The following TM7SF3 variants were observed in gnomAD, a reference collection of about 807,000 sequenced individuals.
TM7SF3 encodes transmembrane 7 superfamily member 3.
TM7SF3 carries 60 observed loss-of-function variants against 65.5 expected under a neutral mutation model. That is an observed-to-expected ratio of 0.92 (90% CI 0.74 to 1.14). The LOEUF (loss-of-function observed/expected upper bound fraction) is 1.14, where lower values mean the gene tolerates loss of function less well. Ranked by LOEUF, TM7SF3 falls within the 50% of genes most tolerant of loss-of-function variation. TM7SF3 has a pLI of 0.00. For synonymous variants in TM7SF3, 264 were observed against 259.6 expected, an observed-to-expected ratio of 1.02 and a Z score of -0.16; for missense variants, 623 against 684.8, an observed-to-expected ratio of 0.91 and a Z score of 1.01.
chr12:26,973,844 T>A lies in TM7SF3; in HGVS notation c.*121A>T, dbSNP rs921653815. On this transcript the variant is annotated 3_prime_UTR_variant, in exon 12 of 12. Transcript: ENST00000343028. Reference sequence around the variant, plus strand: ...TTACCATATATCAATAAGGGCACCATAATATTATGCAAAGAACAGATATAT... The same window carrying A: ...TTACCATATATCAATAAGGGCACCAAAATATTATGCAAAGAACAGATATAT... 1.6e-6 allele frequency: 2 copies of A among 1,270,046 alleles called. No individual in the cohort carries two copies. Among genetic ancestry groups the A allele is most frequent in the South Asian group, 1.4e-5 (1 of 69,046 alleles). 78.7% of individuals were successfully genotyped at this position (1,270,046 alleles called of 1,614,324 possible). A position where few individuals can be genotyped will look rare whatever the true frequency, so the allele number is the denominator to read the frequency against.
At position 26,974,138 on chromosome 12, in the gene TM7SF3, G is replaced by A; in HGVS notation, c.1540C>T (p.Pro514Ser). 1 of 1,614,190 alleles carries A rather than the reference G, an allele frequency of 6.2e-7. No homozygotes were observed. Among genetic ancestry groups the A allele is most frequent in the African/African-American group, 1.3e-5 (1 of 75,046 alleles). Residue 514 changes from proline (P) to serine (S), a missense_variant, in exon 12 of 12, where the codon CCC (proline) becomes TCC (serine). Pro to Ser is a moderately conservative substitution (Grantham distance 74). Coordinates refer to ENST00000343028, the MANE Select transcript of TM7SF3 (RefSeq NM_016551.3). ...TGCTTCCATAACTTGTATGGGTGGG[G>A]AGGGAAGAACGGTCGTCCTCTCTCT... ...RRERGRPFFP[P>S]HPYKLWKQER...
chr12:26,978,405 T>A (rs1341831619), intron 9 of TM7SF3: 1 of 152,888 alleles, frequency 6.5e-6, no homozygotes, highest in Non-Finnish European at 1.5e-5. Flanking sequence ...GAAAGGGAAC[T>A]AGTGACAGAG....
intron 9 of TM7SF3, chr12:26,978,023 G>C: frequency 2.3e-6 from 1 of 436,706 alleles, no homozygotes; most frequent in South Asian, 1.6e-5. Flanking sequence ...TTGAGCCTTA[G>C]AGTTTGAGGT....
chr12:26,989,630 A>G (rs1940255152), intron 6 of TM7SF3, among the ~76,000 whole-genome samples: 1 of 151,834 alleles, frequency 6.6e-6, no homozygotes, highest in Non-Finnish European at 1.5e-5. Context: ...CTATTTTTGC[A>G]TATTTTCTGA....
intron 1 of TM7SF3, among the ~76,000 whole-genome samples, chr12:27,011,847 A>G (rs1191905987): frequency 6.6e-6 from 1 of 152,234 alleles, no homozygotes; most frequent in Non-Finnish European, 1.5e-5. Context: ...GCAAAGAGGC[A>G]AAAAGCAGTG....
At position 26,972,845 on chromosome 12, in the gene TM7SF3, T is replaced by C. The variant is rs1017513211; in HGVS notation, c.*1120A>G. The stretch of plus-strand genomic sequence containing the variant: ...AATTAAAGATCACCTGTTGACACTA[T>C]TTGAAAAGGCCTTGAAAAAAAAAAG... On this transcript the variant is annotated 3_prime_UTR_variant, in exon 12 of 12. Coordinates refer to ENST00000343028, the MANE Select transcript of TM7SF3 (RefSeq NM_016551.3). Among the ~76,000 whole-genome samples the C allele has an allele frequency of 6.6e-6, 1 of 151,948 alleles. No individual in the cohort carries two copies. The highest frequency in any genetic ancestry group is 2.4e-5 in the African/African-American group (1 of 41,352).
At chr12:26,999,709 G>A (rs1163024899) in intron 2 of TM7SF3, 33 bp from the exon 3 acceptor site, 1 of 1,610,692 alleles carries the variant, frequency 6.2e-7, no homozygotes, top group South Asian at 1.1e-5. Context: ...TCATGAATAG[G>A]AAGTCGACCA....
chr12:26,999,659 G>A lies in TM7SF3; in HGVS notation c.264C>T (p.Ser88=). The change falls in exon 3 of 12, where the codon TCC becomes TCT. Residue 88 remains serine (S), a synonymous_variant. Coordinates refer to ENST00000343028, the MANE Select transcript of TM7SF3 (RefSeq NM_016551.3). ...VSFSPTLLSN[S]SETGTASGLV... ...GTCCACTGGCAGTGCCTGTTTCCGA[G>A]GAATTGGAAAGGAGAGTCTGCAGTC... is the stretch of plus-strand genomic sequence containing the variant. 2 of 1,614,020 alleles carry A rather than the reference G, an allele frequency of 1.2e-6. No homozygotes were observed. Among genetic ancestry groups the A allele is most frequent in the Non-Finnish European group, 1.7e-6 (2 of 1,180,002 alleles).
intron 2 of TM7SF3, among the ~76,000 whole-genome samples, chr12:27,000,880 A>T (rs921818474): frequency 6.6e-6 from 1 of 151,828 alleles, no homozygotes; most frequent in African/African-American, 2.4e-5. Context: ...TTCCTCACAC[A>T]CTTCCTCTCT....
At chr12:27,003,860 G>T (rs1940931383) in intron 1 of TM7SF3, among the ~76,000 whole-genome samples, 1 of 152,214 alleles carries the variant, frequency 6.6e-6, no homozygotes, top group African/African-American at 2.4e-5. Context: ...TACCAGCTGT[G>T]TGATTTTAGG....
At chr12:26,992,433 CACCACT>C (rs1940409151) in intron 5 of TM7SF3, among the ~76,000 whole-genome samples, 1 of 152,062 alleles carries the variant, frequency 6.6e-6, no homozygotes, top group African/African-American at 2.4e-5. Context: ...CGCCCGCCAC[CACCACT>C]ACGCCCAGCT....
intron 3 of TM7SF3, among the ~76,000 whole-genome samples, chr12:26,998,980 G>GTCTTAAA (rs1940715620): frequency 6.6e-6 from 1 of 152,204 alleles, no homozygotes; most frequent in South Asian, 2.1e-4. Context: ...TAAGGACTAT[G>GTCTTAAA]TCTTGCCTTA....
intron 11 of TM7SF3, among the ~76,000 whole-genome samples, chr12:26,974,832 C>G (rs545008296): frequency 1.1e-4 from 16 of 152,304 alleles, no homozygotes; most frequent in Middle Eastern, 6.8e-3. Flanking sequence ...AGGGAAAGCT[C>G]TGGATAGTAA....
chr12:27,007,534 TA>T (rs199758934), intron 1 of TM7SF3, among the ~76,000 whole-genome samples: 14 of 148,124 alleles, frequency 9.5e-5, no homozygotes, highest in South Asian at 2.1e-4. Flanking sequence ...TGGAGGGGAT[TA>T]AAAAAAAAAC....
At position 26,971,677 on chromosome 12, in the gene TM7SF3, T is replaced by C. The variant is rs537247269; in HGVS notation, c.*2288A>G. 1 of 152,314 alleles carries C rather than the reference T, an allele frequency of 6.6e-6. No homozygotes were observed. Among genetic ancestry groups the C allele is most frequent in the South Asian group, 2.1e-4 (1 of 4,826 alleles). The allele number at this position is 152,314 out of a possible 1,614,324, so 9.4% of individuals were successfully genotyped here. A position where few individuals can be genotyped will look rare whatever the true frequency, so the allele number is the denominator to read the frequency against. On this transcript the variant is annotated 3_prime_UTR_variant, in exon 12 of 12. Coordinates refer to ENST00000343028, the MANE Select transcript of TM7SF3 (RefSeq NM_016551.3). ...AACAATTAGTATCCTCCCTCCAAAATAGTGTGTTCTGTCTTTACAGTCTTC... is the reference window on the plus strand; with the variant it reads ...AACAATTAGTATCCTCCCTCCAAAACAGTGTGTTCTGTCTTTACAGTCTTC...
At chr12:27,008,557 C>T (rs928220001) in intron 1 of TM7SF3, among the ~76,000 whole-genome samples, 2 of 151,992 alleles carry the variant, frequency 1.3e-5, no homozygotes, top group Admixed American at 6.6e-5. Context: ...ATGATTAGTC[C>T]CTTTTGTGTC....
intron 5 of TM7SF3, among the ~76,000 whole-genome samples, chr12:26,992,853 A>C (rs964441273): frequency 6.6e-6 from 1 of 152,070 alleles, no homozygotes; most frequent in African/African-American, 2.4e-5. Flanking sequence ...CTCACCTACG[A>C]AAATGAATAA....
chr12:26,992,722 T>G (rs1221785345), intron 5 of TM7SF3, among the ~76,000 whole-genome samples: 3 of 152,182 alleles, frequency 2.0e-5, no homozygotes, highest in Non-Finnish European at 4.4e-5. Flanking sequence ...TGCAAGAGTA[T>G]CATACTGTAT....
At chr12:27,008,237 G>A (rs570329344) in intron 1 of TM7SF3, among the ~76,000 whole-genome samples, 1 of 152,264 alleles carries the variant, frequency 6.6e-6, no homozygotes, top group Admixed American at 6.5e-5. Flanking sequence ...TATCTGCTGA[G>A]TATATAGTGG....
Sources: allele counts gnomAD v4.1 joint callset (sites outside exome capture counted in the v4.1 genomes callset), GRCh38; gene constraint gnomAD v4.1.1; transcripts MANE v1.5; gene names NCBI Gene and HGNC (gene_info 2026-07-23, HGNC 2026-07-21).